ACSF3: variants seen among roughly 807,000 people sequenced by gnomAD.
ACSF3 encodes the protein acyl-CoA synthetase family member 3.
A neutral mutation model predicts 53.2 loss-of-function variants in ACSF3; 78 were observed. The ratio of observed to expected loss-of-function variants is 1.47; its 90% CI spans 1.22 to 1.77. The LOEUF (loss-of-function observed/expected upper bound fraction) is 1.77. Ranked by LOEUF, ACSF3 falls within the 40% of genes most tolerant of loss-of-function variation. ACSF3 has a pLI of 0.00. For missense variants in ACSF3, 937 were observed against 771.1 expected (o/e 1.22, Z -2.55); for synonymous variants, 414 against 333.1 (o/e 1.24, Z -2.65).
intron 1 of ACSF3, among the ~76,000 whole-genome samples, chr16:89,098,022 C>CTCT (rs1974822225): frequency 6.6e-6 from 1 of 151,840 alleles, no homozygotes; most frequent in African/African-American, 2.4e-5. Context: ...TGCAGTGAGC[C>CTCT]GAGATCGTGC....
rs943348407 is a variant in ACSF3, at chr16:89,114,083, C to G, written c.978-256C>G. ...TAAGCACATTGTTTACCCTCATTAG[C>G]TGTTGGACCTGCTTCCTTCTAAAAT... On this transcript the variant is annotated intron_variant, in intron 5 of 10. Coordinates refer to ENST00000614302, the MANE Select transcript of ACSF3 (RefSeq NM_001243279.3). The G allele has an allele frequency of 7.3e-5, 40 of 548,626 alleles. No individual in the cohort carries two copies. The Admixed American group carries it at 8.1e-4, about 11-fold the overall frequency. 34.0% of individuals were successfully genotyped at this position (548,626 alleles called of 1,614,324 possible). A position where few individuals can be genotyped will look rare whatever the true frequency, so the allele number is the denominator to read the frequency against.
At chr16:89,125,672 C>T (rs908620740) in intron 7 of ACSF3, among the ~76,000 whole-genome samples, 13 of 146,514 alleles carry the variant, frequency 8.9e-5, no homozygotes, top group Non-Finnish European at 1.6e-4. Flanking sequence ...GCCTGGGCAA[C>T]AGAGTGAGAC....
chr16:89,145,314 A>C lies in ACSF3; in HGVS notation c.1414A>C (p.Thr472Pro), dbSNP rs1597247071. Residue 472 changes from threonine to proline, a missense_variant, in exon 9 of 11, where the codon ACC (threonine) becomes CCC (proline). Thr to Pro is a conservative substitution (Grantham distance 38). Transcript: ENST00000614302. Reference protein sequence around the residue: ...KDGQYWIRGRTSVDIIKTGGY... With the variant: ...KDGQYWIRGRPSVDIIKTGGY... Reference sequence around the variant, plus strand: ...TGGCCAGTACTGGATCCGAGGCCGGACCTCAGTGGACATCATCAAGACTGG... The same window carrying C: ...TGGCCAGTACTGGATCCGAGGCCGGCCCTCAGTGGACATCATCAAGACTGG... 6.2e-7 allele frequency: 1 copy of C among 1,613,944 alleles called. No individual in the cohort carries two copies. Among genetic ancestry groups the C allele is most frequent in the African/African-American group, 1.3e-5 (1 of 74,846 alleles).
chr16:89,102,818 G>A, intron 4 of ACSF3, 59 bp downstream of exon 4: 1 of 1,593,022 alleles, frequency 6.3e-7, no homozygotes, highest in South Asian at 1.1e-5. Flanking sequence ...TCCCCTGTCG[G>A]GGCCAGGGCT....
At chr16:89,141,146 G>A (rs547613599) in intron 8 of ACSF3, 9 of 1,287,218 alleles carry the variant, frequency 7.0e-6, no homozygotes, top group East Asian at 5.5e-5. Flanking sequence ...CGGGGTGTCC[G>A]ACCCGCTCTT....
At chr16:89,149,177 T>A (rs1272538506) in intron 10 of ACSF3, 1 of 152,232 alleles carries the variant, frequency 6.6e-6, no homozygotes, top group African/African-American at 2.4e-5. Context: ...ATATCGCTAT[T>A]AGCATTTTAG....
intron 8 of ACSF3, chr16:89,141,309 C>T: frequency 7.8e-7 from 1 of 1,285,568 alleles, no homozygotes; most frequent in Non-Finnish European, 1.0e-6. Context: ...TGGGAATGGG[C>T]AGGGAGATGT....
At chr16:89,094,436 G>C (rs943193661) in intron 1 of ACSF3, among the ~76,000 whole-genome samples, 1 of 152,220 alleles carries the variant, frequency 6.6e-6, no homozygotes, top group Non-Finnish European at 1.5e-5. Flanking sequence ...AGCCGGCCTA[G>C]CCCCTGAGGG....
Position 89,106,273 on chromosome 16 carries a change from TTAAAC to T in ACSF3, c.822+3517_822+3521del, listed in dbSNP as rs370075736. On this transcript the variant is annotated intron_variant, in intron 4 of 10. Coordinates refer to ENST00000614302, the MANE Select transcript of ACSF3 (RefSeq NM_001243279.3). ...TTTGACACTTACTTGGGATTTTTCT[TTAAAC>T]TATGCTGTGAAAACTTAATTTTTTT... Among the ~76,000 whole-genome samples the T allele has an allele frequency of 2.4e-4, 36 of 151,450 alleles. 1 individual carries two copies. In the South Asian group the frequency reaches 6.4e-3, roughly 27 times the overall value.
chr16:89,153,831 G>T, intron 10 of ACSF3: 1 of 529,072 alleles, frequency 1.9e-6, no homozygotes, highest in South Asian at 2.0e-5. Flanking sequence ...GTGTGCCCTC[G>T]CCCAAGGCCT....
chr16:89,099,761 G>A, intron 2 of ACSF3, among the ~76,000 whole-genome samples: 1 of 151,972 alleles, frequency 6.6e-6, no homozygotes, highest in Non-Finnish European at 1.5e-5. Context: ...CAGCCTGGGT[G>A]ACAGACCAAG....
intron 7 of ACSF3, among the ~76,000 whole-genome samples, chr16:89,128,777 G>C (rs889714350): frequency 3.3e-5 from 5 of 152,134 alleles, no homozygotes; most frequent in Non-Finnish European, 5.9e-5. Context: ...TTGTTAAGTT[G>C]TGTTTTGTGG....
rs138222811 is a variant in ACSF3 at position 89,121,361 on chromosome 16, G to A, written c.1239+448G>A. ...ACGCTGACCACAGGCCCCCATAGTA[G>A]GTGTGGGGAGATTCACGGGGCCCTG... On this transcript the variant is annotated intron_variant, in intron 7 of 10. Coordinates refer to ENST00000614302, the MANE Select transcript of ACSF3 (RefSeq NM_001243279.3). Among the ~76,000 whole-genome samples the A allele has an allele frequency of 7.0e-3, 1,068 of 152,308 alleles. 17 individuals are homozygous for A. Among genetic ancestry groups the A allele is most frequent in the African/African-American group, 0.025 (1,036 of 41,552 alleles).
intron 4 of ACSF3, among the ~76,000 whole-genome samples, chr16:89,107,792 A>G (rs1401947021): frequency 6.6e-6 from 1 of 152,194 alleles, no homozygotes; most frequent in Non-Finnish European, 1.5e-5. Flanking sequence ...AGAGTTCTCA[A>G]ACGTGGCTGC....
In ACSF3 at chr16:89,123,269, G is replaced by A. The variant is rs767616495; in HGVS notation, c.1239+2356G>A. ...AGGGCTCCCAGAGGGGTGGGTGGGC[G>A]CCCCAGGACAACCAGGTGATGATGG... On this transcript the variant is annotated intron_variant, in intron 7 of 10. Coordinates refer to ENST00000614302, the MANE Select transcript of ACSF3 (RefSeq NM_001243279.3). Among the ~76,000 whole-genome samples, 5 of 152,240 alleles carry A rather than the reference G, an allele frequency of 3.3e-5. No homozygotes were observed. The East Asian group carries it at 5.8e-4, about 18-fold the overall frequency.
intron 1 of ACSF3, among the ~76,000 whole-genome samples, chr16:89,095,547 A>C (rs1331263390): frequency 7.6e-6 from 1 of 131,108 alleles, no homozygotes; most frequent in Non-Finnish European, 1.6e-5. Context: ...CCACGCTCTC[A>C]TCGGGGCAGC....
chr16:89,135,243 G>A (rs571834497), intron 8 of ACSF3, among the ~76,000 whole-genome samples: 5 of 152,350 alleles, frequency 3.3e-5, no homozygotes, highest in East Asian at 1.9e-4. Flanking sequence ...GGAGCAGAGC[G>A]GGGGGCTGCA....
At chr16:89,120,769 G>C (rs1214353917) in intron 6 of ACSF3, 32 bp from the exon 7 acceptor site, 11 of 1,602,230 alleles carry the variant, frequency 6.9e-6, no homozygotes, top group African/African-American at 1.3e-5. Flanking sequence ...TCTCACTCCA[G>C]CCTCCCCTTC....
At chr16:89,103,547 C>A (rs924169980) in intron 4 of ACSF3, among the ~76,000 whole-genome samples, 1 of 152,260 alleles carries the variant, frequency 6.6e-6, no homozygotes, top group Non-Finnish European at 1.5e-5. Context: ...CCAAGATCAT[C>A]TCCCATCTTG....
Sources: gnomAD v4.1 joint callset for allele counts (sites outside exome capture counted in the v4.1 genomes callset) on GRCh38, gnomAD v4.1.1 for gene constraint, MANE v1.5 for transcripts, NCBI Gene and HGNC (gene_info 2026-07-23, HGNC 2026-07-21) for gene names.